Variants in IQCH observed in about 807,000 individuals in gnomAD.
The protein encoded by IQCH is IQ domain-containing protein H.
In IQCH, 98 loss-of-function variants were observed where a neutral mutation model predicts 117.0. The observed-to-expected ratio is 0.84, with a 90% CI of 0.71 to 0.99. The LOEUF is 0.99. Ranked by LOEUF, IQCH falls within the 50% of genes least tolerant of loss-of-function variation. The pLI is 0.00. For missense variants in IQCH, 1,102 were observed against 1,243.8 expected (o/e 0.89, Z 1.72); for synonymous variants, 412 against 448.2 (o/e 0.92, Z 1.02).
In IQCH at chr15:67,365,104, G is replaced by C. The variant is rs1278288300; in HGVS notation, c.753+5219G>C. 6.6e-6 allele frequency among the ~76,000 whole-genome samples: 1 copy of C among 152,060 alleles called. No homozygotes were observed. Among genetic ancestry groups the C allele is most frequent in the Non-Finnish European group, 1.5e-5 (1 of 68,004 alleles). On this transcript the variant is annotated intron_variant, in intron 8 of 20. Coordinates refer to ENST00000335894, the MANE Select transcript of IQCH (RefSeq NM_001031715.3). This position sits in a 1 kb window ranked among gnomAD's most constrained non-coding sequence, Gnocchi z 4.4. ...CTACAGGCATATGCCACCACGCCCA[G>C]CTAATTTTTCTGGCATTTCTTTGTC...
At chr15:67,439,151 A>C (rs1338588414) in intron 16 of IQCH, among the ~76,000 whole-genome samples, 1 of 152,242 alleles carries the variant, frequency 6.6e-6, no homozygotes, top group Non-Finnish European at 1.5e-5. Flanking sequence ...AGACCTTATG[A>C]TAGGCCATAA....
intron 9 of IQCH, among the ~76,000 whole-genome samples, chr15:67,373,088 C>T (rs190887636): frequency 1.3e-5 from 2 of 152,178 alleles, no homozygotes; most frequent in East Asian, 3.9e-4. Context: ...AGTTTGCAGA[C>T]AGCCTTTTAA....
At position 67,465,564 on chromosome 15, in the gene IQCH, C is replaced by T. The variant is rs188631431; in HGVS notation, c.2676+267C>T. Among the ~76,000 whole-genome samples the T allele has an allele frequency of 6.2e-3, 942 of 152,254 alleles. 11 individuals carry two copies. Among genetic ancestry groups the T allele is most frequent in the African/African-American group, 0.021 (889 of 41,552 alleles). ...CTTTTTCTAGGCAGGTACACCTACA[C>T]CCATTGCCTCAACTACAAGCTGTTT... is the stretch of plus-strand genomic sequence containing the variant. On this transcript the variant is annotated intron_variant, in intron 17 of 20. Transcript: ENST00000335894. The surrounding 1 kb of genome is among the most constrained non-coding windows in gnomAD (Gnocchi z 5.9).
intron 15 of IQCH, chr15:67,421,076 G>A (rs751684454): frequency 1.0e-5 from 6 of 575,414 alleles, no homozygotes; most frequent in Non-Finnish European, 1.9e-5. Context: ...ACCAAGCGCT[G>A]GGCTGAATAC....
chr15:67,424,507 G>T lies in IQCH; in HGVS notation c.2505+2930G>T, dbSNP rs192768830. ...AATTGTAAGCTCTTTTAAGCGATGT[G>T]CTGTGTTTCTTTTTGCTCCCCCACT... On this transcript the variant is annotated intron_variant, in intron 16 of 20. Coordinates refer to ENST00000335894, the MANE Select transcript of IQCH (RefSeq NM_001031715.3). The surrounding 1 kb of genome is among the most constrained non-coding windows in gnomAD (Gnocchi z 4.9). 6.6e-6 allele frequency among the ~76,000 whole-genome samples: 1 copy of T among 152,148 alleles called. No homozygotes were observed. Among genetic ancestry groups the T allele is most frequent in the Non-Finnish European group, 1.5e-5 (1 of 68,028 alleles).
intron 16 of IQCH, among the ~76,000 whole-genome samples, chr15:67,448,641 T>A (rs1276476791): frequency 6.6e-6 from 1 of 152,116 alleles, no homozygotes; most frequent in African/African-American, 2.4e-5. Context: ...ACATTTAGGT[T>A]GGTTCCAAGT....
At chr15:67,399,258 A>G (rs1257383882) in intron 13 of IQCH, among the ~76,000 whole-genome samples, 1 of 152,218 alleles carries the variant, frequency 6.6e-6, no homozygotes, top group Non-Finnish European at 1.5e-5. Flanking sequence ...GTTTATTTAC[A>G]TATAAAAGAA....
In IQCH at chr15:67,393,717, G is replaced by A. The variant is rs554098525; in HGVS notation, c.1633-1574G>A. Among the ~76,000 whole-genome samples the A allele has an allele frequency of 1.4e-3, 206 of 152,038 alleles. No homozygotes were observed. Among genetic ancestry groups the A allele is most frequent in the Non-Finnish European group, 2.3e-3 (158 of 67,974 alleles). ...TTTTGTAGATAGGGGGTTTTGCCACGTTGCCCAGGCTGGTCTGAAAGTCCT... is the reference window on the plus strand; with the variant it reads ...TTTTGTAGATAGGGGGTTTTGCCACATTGCCCAGGCTGGTCTGAAAGTCCT... On this transcript the variant is annotated intron_variant, in intron 12 of 20. Transcript: ENST00000335894. The surrounding 1 kb of genome is among the most constrained non-coding windows in gnomAD (Gnocchi z 5.5).
In IQCH at chr15:67,254,842, G is replaced by A. The variant is rs563959836; in HGVS notation, c.-55G>A. The A allele has an allele frequency of 6.3e-7, 1 of 1,575,964 alleles. No homozygotes were observed. Among genetic ancestry groups the A allele is most frequent in the Non-Finnish European group, 8.7e-7 (1 of 1,152,840 alleles). ...TGGGGACGAGCGGCTCCGGCTGAAG[G>A]TTTCCGTGCTTGGAAACCGCGCCTC... On this transcript the variant is annotated 5_prime_UTR_variant, in exon 1 of 21. Transcript: ENST00000335894.
At chr15:67,438,158 G>A (rs1021145439) in intron 16 of IQCH, among the ~76,000 whole-genome samples, 1 of 152,088 alleles carries the variant, frequency 6.6e-6, no homozygotes, top group African/African-American at 2.4e-5. Flanking sequence ...AGAAGCACCA[G>A]GTAACCTATA....
intron 6 of IQCH, among the ~76,000 whole-genome samples, chr15:67,346,007 A>C (rs1368401653): frequency 6.6e-6 from 1 of 152,148 alleles, no homozygotes; most frequent in Admixed American, 6.5e-5. Flanking sequence ...TCAAAAATAA[A>C]TTATAGGACT....
At chr15:67,378,951 A>C (rs1970829012) in intron 10 of IQCH, among the ~76,000 whole-genome samples, 1 of 152,216 alleles carries the variant, frequency 6.6e-6, no homozygotes, top group African/African-American at 2.4e-5. Flanking sequence ...GTCATTATTA[A>C]CTGTATTTGA....
intron 4 of IQCH, among the ~76,000 whole-genome samples, chr15:67,301,330 T>C (rs1434174301): frequency 6.6e-6 from 1 of 151,772 alleles, no homozygotes; most frequent in Admixed American, 6.6e-5. Flanking sequence ...TCACTATAGA[T>C]GGTTCGTAAG....
intron 17 of IQCH, among the ~76,000 whole-genome samples, chr15:67,471,159 A>G (rs1267914293): frequency 6.6e-6 from 1 of 152,180 alleles, no homozygotes; most frequent in African/African-American, 2.4e-5. Context: ...CAGTGCTGCA[A>G]TGAATAACTT....
chr15:67,414,422 G>A (rs2081523492), intron 14 of IQCH, among the ~76,000 whole-genome samples: 1 of 152,042 alleles, frequency 6.6e-6, no homozygotes, highest in South Asian at 2.1e-4. Flanking sequence ...GAAGGATGAG[G>A]AGGAGTCAGC....
chr15:67,329,866 TTA>T (rs975738819), intron 4 of IQCH, among the ~76,000 whole-genome samples: 3 of 151,304 alleles, frequency 2.0e-5, no homozygotes, highest in Non-Finnish European at 3.0e-5. Context: ...ATATAGTGAA[TTA>T]TATATGTGTG....
chr15:67,363,729 G>A (rs1221973829), intron 8 of IQCH, among the ~76,000 whole-genome samples: 1 of 152,004 alleles, frequency 6.6e-6, no homozygotes, highest in Non-Finnish European at 1.5e-5. Flanking sequence ...CCCTCAAGTA[G>A]GCCCCTGTGT....
chr15:67,440,263 A>G (rs2082238414), intron 16 of IQCH, among the ~76,000 whole-genome samples: 1 of 152,258 alleles, frequency 6.6e-6, no homozygotes, highest in Admixed American at 6.5e-5. Context: ...GACCAGACGT[A>G]TTCACAGCAG....
chr15:67,372,203 A>G lies in IQCH; in HGVS notation c.846A>G (p.Pro282=), dbSNP rs1203427572. ...IYDGVIDNTA[P]DFLAFKEHFS... ...ATGGTGTCATAGACAATACAGCCCC[A>G]GACTTCTTAGCATTCAAGGAACATT... is the stretch of plus-strand genomic sequence containing the variant. The change falls in exon 9 of 21, where the codon CCA becomes CCG. Residue 282 remains proline (P), a synonymous_variant. Coordinates refer to ENST00000335894, the MANE Select transcript of IQCH (RefSeq NM_001031715.3). The G allele has an allele frequency of 1.2e-5, 19 of 1,614,110 alleles. No homozygotes were observed. Among genetic ancestry groups the G allele is most frequent in the Non-Finnish European group, 1.5e-5 (18 of 1,179,982 alleles).
Sources: gnomAD v4.1 joint callset for allele counts (sites outside exome capture counted in the v4.1 genomes callset) on GRCh38, gnomAD v4.1.1 for gene constraint, Gnocchi (gnomAD v3.1) non-coding constraint, MANE v1.5 for transcripts, NCBI Gene and HGNC (gene_info 2026-07-23, HGNC 2026-07-21) for gene names.